PSD3: variants seen among roughly 807,000 people sequenced by gnomAD.
The protein encoded by PSD3 is pleckstrin and Sec7 domain containing 3.
PSD3 carries 49 observed loss-of-function variants against 105.5 expected under a neutral mutation model. The ratio of observed to expected loss-of-function variants is 0.46; its 90% CI spans 0.37 to 0.59. The LOEUF (loss-of-function observed/expected upper bound fraction) is 0.59. PSD3 is among the 20% of genes least tolerant of loss of function. The pLI, the probability that PSD3 is intolerant of heterozygous loss-of-function variation, is 0.00. For missense variants in PSD3, 1,561 were observed against 1,263.8 expected, an observed-to-expected ratio of 1.24 and a Z score of -3.57; for synonymous variants, 557 against 457.8, an observed-to-expected ratio of 1.22 and a Z score of -2.77.
chr8:18,962,905 T>C (rs1472154371), intron 1 of PSD3, among the ~76,000 whole-genome samples: 5 of 152,218 alleles, frequency 3.3e-5, no homozygotes, highest in African/African-American at 9.6e-5. Flanking sequence ...GGAACCAAGA[T>C]ATGCCATGGT....
At chr8:18,914,593 CA>C (rs1820460011) in intron 2 of PSD3, among the ~76,000 whole-genome samples, 1 of 151,962 alleles carries the variant, frequency 6.6e-6, no homozygotes, top group South Asian at 2.1e-4. Flanking sequence ...AAAAAGATAT[CA>C]AAAAATAATC....
At chr8:18,648,393 G>A (rs1808217680) in intron 10 of PSD3, among the ~76,000 whole-genome samples, 1 of 152,200 alleles carries the variant, frequency 6.6e-6, no homozygotes, top group African/African-American at 2.4e-5. Flanking sequence ...GAACTTGGAG[G>A]CACTGTGCCC....
intron 9 of PSD3, among the ~76,000 whole-genome samples, chr8:18,675,026 A>C (rs1242533844): frequency 6.6e-6 from 1 of 150,412 alleles, no homozygotes; most frequent in Non-Finnish European, 1.5e-5. Context: ...AGCAACAATA[A>C]AGAAAAGTGT....
intron 15 of PSD3, 124 bp downstream of exon 15, chr8:18,556,085 C>T: frequency 1.6e-6 from 2 of 1,216,350 alleles, no homozygotes; most frequent in East Asian, 2.5e-5. Flanking sequence ...CCAGGAGCTC[C>T]CAAATTAGAG....
chr8:18,972,367 G>A (rs1824702468), intron 1 of PSD3, among the ~76,000 whole-genome samples: 1 of 152,234 alleles, frequency 6.6e-6, no homozygotes, highest in Non-Finnish European at 1.5e-5. Context: ...AGACTGCCAG[G>A]TGCAGGAATA....
rs761770064 is a variant in PSD3, at chr8:18,868,024, G to A, written c.1284C>T (p.Ile428=). The A allele has an allele frequency of 1.2e-6, 2 of 1,613,572 alleles. No homozygotes were observed. Among genetic ancestry groups the A allele is most frequent in the Admixed American group, 3.3e-5 (2 of 59,942 alleles). The part of the protein sequence containing the change: ...EEHVKGEDED[I]LGPGYTEDST... ...AGTCCTCCGTATATCCAGGCCCAAG[G>A]ATGTCTTCATCTTCCCCCTTAACGT... Residue 428 remains isoleucine, a synonymous_variant, in exon 4 of 16, where the codon ATC becomes ATT. Coordinates refer to ENST00000327040, the MANE Select transcript of PSD3 (RefSeq NM_015310.4).
chr8:18,781,342 G>T (rs1237669240), intron 8 of PSD3, among the ~76,000 whole-genome samples: 1 of 152,110 alleles, frequency 6.6e-6, no homozygotes, highest in Admixed American at 6.5e-5. Context: ...TGGCATATAA[G>T]CCCTAGGTCT....
chr8:18,740,359 C>CTT lies in PSD3; in HGVS notation c.2172+25088_2172+25089dup, dbSNP rs1804470856. Among the ~76,000 whole-genome samples, 4 of 152,336 alleles carry CTT rather than the reference C, an allele frequency of 2.6e-5. No individual in the cohort carries two copies. In the South Asian group the frequency reaches 8.3e-4, roughly 32 times the overall value. ...ACTGCACCCTTTCTGTTCCACTTCA[C>CTT]TTCTCCTCAATTCTGACAGCTTGCA... On this transcript the variant is annotated intron_variant, in intron 9 of 15. Coordinates refer to ENST00000327040, the MANE Select transcript of PSD3 (RefSeq NM_015310.4).
At chr8:18,671,710 C>A (rs977573565) in intron 9 of PSD3, among the ~76,000 whole-genome samples, 1 of 151,948 alleles carries the variant, frequency 6.6e-6, no homozygotes, top group Non-Finnish European at 1.5e-5. Context: ...CCGCTCACTG[C>A]AAGCTCCGCC....
At chr8:18,683,653 C>A (rs1800502976) in intron 9 of PSD3, 4 of 636,248 alleles carry the variant, frequency 6.3e-6, no homozygotes, top group African/African-American at 5.4e-5. Flanking sequence ...CTCTTAGAAC[C>A]ATTTTATACT....
intron 4 of PSD3, among the ~76,000 whole-genome samples, chr8:18,833,897 A>G (rs1469120498): frequency 1.3e-5 from 2 of 152,200 alleles, no homozygotes; most frequent in Non-Finnish European, 2.9e-5. Flanking sequence ...ATAGTCAGTT[A>G]CAAAAATATA....
chr8:18,907,458 A>C (rs552339892), intron 2 of PSD3, among the ~76,000 whole-genome samples: 1 of 152,286 alleles, frequency 6.6e-6, no homozygotes, highest in East Asian at 1.9e-4. Context: ...TACAGGCATG[A>C]ACCACTGCAC....
intron 15 of PSD3, among the ~76,000 whole-genome samples, chr8:18,536,925 T>C (rs1799877764): frequency 6.6e-6 from 1 of 152,214 alleles, no homozygotes; most frequent in African/African-American, 2.4e-5. Flanking sequence ...GTTTTATTTC[T>C]AAACCAAAGA....
chr8:18,552,833 T>A (rs1300028731), intron 15 of PSD3, among the ~76,000 whole-genome samples: 1 of 152,226 alleles, frequency 6.6e-6, no homozygotes, highest in Non-Finnish European at 1.5e-5. Context: ...GTAACATCCC[T>A]TCGCTTAGAG....
intron 9 of PSD3, among the ~76,000 whole-genome samples, chr8:18,660,532 T>C (rs1165248155): frequency 6.6e-6 from 1 of 152,188 alleles, no homozygotes; most frequent in African/African-American, 2.4e-5. Flanking sequence ...AGGAAATAGT[T>C]CCAGGGTCAG....
intron 9 of PSD3, among the ~76,000 whole-genome samples, chr8:18,760,177 G>A (rs998497866): frequency 6.6e-6 from 1 of 151,982 alleles, no homozygotes; most frequent in Non-Finnish European, 1.5e-5. Flanking sequence ...GGTGCACAAT[G>A]CAGTATTTTG....
At chr8:18,658,554 G>C (rs1022387322) in intron 9 of PSD3, among the ~76,000 whole-genome samples, 2 of 141,498 alleles carry the variant, frequency 1.4e-5, no homozygotes, top group African/African-American at 5.2e-5. Flanking sequence ...ACAGGGTCTT[G>C]CTTGGTCACC....
intron 2 of PSD3, among the ~76,000 whole-genome samples, chr8:18,904,452 G>T (rs1172138470): frequency 1.3e-5 from 2 of 152,142 alleles, no homozygotes; most frequent in Non-Finnish European, 2.9e-5. Context: ...AGTGTACCCA[G>T]GATACAAGAC....
At chr8:18,979,855 T>A (rs1252224303) in intron 1 of PSD3, 3 of 152,248 alleles carry the variant, frequency 2.0e-5, no homozygotes, top group African/African-American at 7.2e-5. Context: ...CAGGTCTTTA[T>A]TGCAGAAAGT....
Sources: gnomAD v4.1 joint callset for allele counts (sites outside exome capture counted in the v4.1 genomes callset) on GRCh38, gnomAD v4.1.1 for gene constraint, MANE v1.5 for transcripts, NCBI Gene and HGNC (gene_info 2026-07-23, HGNC 2026-07-21) for gene names.